UVRAG: variants seen among roughly 807,000 people sequenced by gnomAD.
UVRAG encodes the protein UV radiation resistance-associated gene protein.
Under a neutral mutation model 78.0 loss-of-function variants are expected in UVRAG, and 19 were observed. The observed-to-expected ratio is 0.24, with a 90% confidence interval of 0.17 to 0.36. The LOEUF is 0.36. UVRAG is among the 10% of genes least tolerant of loss of function. The pLI is 1.00. For missense variants in UVRAG, 740 were observed against 853.8 expected (o/e 0.87, Z 1.66); for synonymous variants, 323 against 324.6 (o/e 1.00, Z 0.05).
chr11:75,922,987 T>C (rs1301077390), intron 6 of UVRAG, among the ~76,000 whole-genome samples: 5 of 145,100 alleles, frequency 3.4e-5, no homozygotes, highest in Admixed American at 6.8e-5. Flanking sequence ...AAAAAATATA[T>C]ATACATATAT....
chr11:76,029,039 G>A (rs550472380), intron 12 of UVRAG, among the ~76,000 whole-genome samples: 277 of 152,276 alleles, frequency 1.8e-3, no homozygotes, highest in African/African-American at 6.0e-3. Flanking sequence ...TAATACAGCT[G>A]CTAACTTTAA....
chr11:75,983,694 A>G, intron 8 of UVRAG, 181 bp downstream of exon 8: 1 of 818,232 alleles, frequency 1.2e-6, no homozygotes, highest in Non-Finnish European at 1.8e-6. Context: ...ATCATAGAGT[A>G]TGTTTACACA....
At chr11:75,850,652 A>C (rs1323087885) in intron 1 of UVRAG, among the ~76,000 whole-genome samples, 3 of 152,240 alleles carry the variant, frequency 2.0e-5, no homozygotes, top group Non-Finnish European at 4.4e-5. Flanking sequence ...GCAGATAATT[A>C]GTGGTTCCTG....
intron 12 of UVRAG, among the ~76,000 whole-genome samples, chr11:76,059,361 A>C (rs1191194940): frequency 2.6e-5 from 4 of 152,230 alleles, no homozygotes; most frequent in Admixed American, 1.3e-4. Flanking sequence ...TTAGAAACCT[A>C]CTGGGCTTCC....
intron 6 of UVRAG, among the ~76,000 whole-genome samples, chr11:75,927,269 G>C (rs533035677): frequency 1.3e-5 from 2 of 151,892 alleles, no homozygotes; most frequent in African/African-American, 4.8e-5. Flanking sequence ...GGAGTTTTGC[G>C]ATGTTGGCCA....
intron 14 of UVRAG, among the ~76,000 whole-genome samples, chr11:76,129,793 C>T (rs1281340365): frequency 1.3e-5 from 2 of 152,148 alleles, no homozygotes; most frequent in African/African-American, 2.4e-5. Context: ...AGCCTGCAGT[C>T]TCCCACCATC....
chr11:76,134,285 C>T (rs987143383), intron 14 of UVRAG, among the ~76,000 whole-genome samples: 6 of 124,374 alleles, frequency 4.8e-5, no homozygotes, highest in Non-Finnish European at 9.8e-5. Context: ...TTTTGGTGGG[C>T]GGGGGAGTCT....
chr11:75,943,820 T>C (rs539364938), intron 6 of UVRAG, among the ~76,000 whole-genome samples: 40 of 152,182 alleles, frequency 2.6e-4, no homozygotes, highest in Non-Finnish European at 4.9e-4. Context: ...TTTGATGCCA[T>C]TACCATGAGA....
At chr11:76,000,761 A>G (rs944220603) in intron 8 of UVRAG, among the ~76,000 whole-genome samples, 2 of 152,252 alleles carry the variant, frequency 1.3e-5, no homozygotes, top group Non-Finnish European at 2.9e-5. Context: ...AAGGATTACT[A>G]CCTGGAATAA....
At chr11:76,013,945 A>G (rs1950100079) in intron 11 of UVRAG, among the ~76,000 whole-genome samples, 1 of 152,242 alleles carries the variant, frequency 6.6e-6, no homozygotes, top group African/African-American at 2.4e-5. Context: ...TGGGAAACCT[A>G]GAATTTTTAA....
chr11:75,989,525 G>A (rs1052657065), intron 8 of UVRAG, among the ~76,000 whole-genome samples: 1 of 152,096 alleles, frequency 6.6e-6, no homozygotes, highest in Non-Finnish European at 1.5e-5. Flanking sequence ...ATATAATTTT[G>A]TATGACTTTC....
At chr11:75,876,684 A>T (rs1946788155) in intron 3 of UVRAG, among the ~76,000 whole-genome samples, 1 of 78,736 alleles carries the variant, frequency 1.3e-5, no homozygotes, top group Non-Finnish European at 2.6e-5. Flanking sequence ...CCCACCTTAC[A>T]CTTTGGTCAG....
intron 3 of UVRAG, among the ~76,000 whole-genome samples, chr11:75,862,932 A>G (rs769281330): frequency 9.9e-5 from 15 of 152,204 alleles, no homozygotes; most frequent in Non-Finnish European, 1.8e-4. Context: ...AGGGTTATCA[A>G]TGATGTGTTG....
At chr11:75,910,713 A>G (rs1428382197) in intron 5 of UVRAG, among the ~76,000 whole-genome samples, 1 of 152,006 alleles carries the variant, frequency 6.6e-6, no homozygotes, top group East Asian at 1.9e-4. Context: ...AGGAGACTGG[A>G]GTTTTATCAT....
intron 7 of UVRAG, among the ~76,000 whole-genome samples, 168 bp downstream of exon 7, chr11:75,961,717 T>C (rs983938479): frequency 2.6e-5 from 4 of 152,348 alleles, no homozygotes; most frequent in African/African-American, 7.2e-5. Flanking sequence ...TCCCATCTGC[T>C]AATAATGTAA....
intron 12 of UVRAG, among the ~76,000 whole-genome samples, chr11:76,049,199 C>T (rs1012437953): frequency 9.9e-5 from 15 of 152,242 alleles, no homozygotes; most frequent in South Asian, 2.1e-4. Context: ...CCACCCACTC[C>T]GCTCAGCCCT....
chr11:75,949,710 T>TACACACACAC (rs1453750909), intron 6 of UVRAG, among the ~76,000 whole-genome samples: 5 of 143,002 alleles, frequency 3.5e-5, no homozygotes, highest in Admixed American at 2.7e-4. Context: ...TATATATATA[T>TACACACACAC]ATATACACAC....
intron 8 of UVRAG, 139 bp downstream of exon 8, chr11:75,983,652 G>T (rs1175168526): frequency 8.5e-7 from 1 of 1,177,010 alleles, no homozygotes; most frequent in East Asian, 2.7e-5. Flanking sequence ...TTCTGGAAAT[G>T]CATCCTTTGG....
chr11:75,935,590 G>C (rs1296480688), intron 6 of UVRAG, among the ~76,000 whole-genome samples: 4 of 152,006 alleles, frequency 2.6e-5, no homozygotes, highest in Non-Finnish European at 1.5e-5. Context: ...GAAGAGTCTT[G>C]GTTTGGGATA....
Sources: gnomAD v4.1 joint callset for allele counts (sites outside exome capture counted in the v4.1 genomes callset) on GRCh38, gnomAD v4.1.1 for gene constraint, MANE v1.5 for transcripts, NCBI Gene and HGNC (gene_info 2026-07-23, HGNC 2026-07-21) for gene names.